PLA2R1: variants seen among roughly 807,000 people sequenced by gnomAD.
The protein encoded by PLA2R1 is phospholipase A2 receptor 1.
In PLA2R1, 158 loss-of-function variants were observed where a neutral mutation model predicts 195.9. The ratio of observed to expected loss-of-function variants is 0.81; its 90% CI spans 0.71 to 0.92. The LOEUF (loss-of-function observed/expected upper bound fraction) is 0.92. Ranked by LOEUF, PLA2R1 falls within the 40% of genes least tolerant of loss-of-function variation. The probability of loss-of-function intolerance (pLI) is 0.00; values close to 1 mark genes in which losing one functional copy is unlikely to be tolerated. For synonymous variants in PLA2R1, 586 were observed against 598.2 expected (o/e 0.98, Z 0.30); for missense variants, 1,626 against 1,764.6 (o/e 0.92, Z 1.41).
Position 159,999,453 on chromosome 2 carries a change from C to T in PLA2R1, c.1834+6199G>A, listed in dbSNP as rs1314226179. Among the ~76,000 whole-genome samples the T allele has an allele frequency of 2.6e-4, 2 of 7,750 alleles. 1 individual carries two copies. The highest frequency in any genetic ancestry group is 4.8e-4 in the Non-Finnish European group (2 of 4,194). 5.1% of individuals were successfully genotyped at this position (7,750 alleles called of 152,430 possible). A position where few individuals can be genotyped will look rare whatever the true frequency, so the allele number is the denominator to read the frequency against. ...GATCTCGGCTCACTGCAAGCTCCGC[C>T]TCCCGGGTTCACGCCATTCTCCTGC... On this transcript the variant is annotated intron_variant, in intron 11 of 29. Coordinates refer to ENST00000283243, the MANE Select transcript of PLA2R1 (RefSeq NM_007366.5).
chr2:159,929,535 CTT>C (rs762721078), downstream of PLA2R1, among the ~76,000 whole-genome samples: 1 of 152,168 alleles, frequency 6.6e-6, no homozygotes, highest in Non-Finnish European at 1.5e-5. Flanking sequence ...AAAGGGAACA[CTT>C]TTACACTGCT....
chr2:159,985,643 C>G (rs1273055481), intron 12 of PLA2R1, among the ~76,000 whole-genome samples: 1 of 152,130 alleles, frequency 6.6e-6, no homozygotes, highest in Admixed American at 6.5e-5. Context: ...GTCTGGCAAG[C>G]TGCAAAAGCT....
At chr2:160,034,595 C>T (rs1694059153) in intron 3 of PLA2R1, among the ~76,000 whole-genome samples, 1 of 152,256 alleles carries the variant, frequency 6.6e-6, no homozygotes, top group Admixed American at 6.5e-5. Context: ...ACAGCTGAGA[C>T]CATGATGGGG....
At chr2:159,965,252 G>T (rs943578212) in intron 20 of PLA2R1, among the ~76,000 whole-genome samples, 2 of 152,116 alleles carry the variant, frequency 1.3e-5, no homozygotes, top group African/African-American at 4.8e-5. Context: ...ATCCACCATT[G>T]TGCTATCATA....
intron 17 of PLA2R1, 67 bp downstream of exon 17, chr2:159,976,001 C>T: frequency 9.5e-7 from 1 of 1,055,250 alleles, no homozygotes; most frequent in Non-Finnish European, 1.4e-6. Flanking sequence ...ACTATCCCTC[C>T]CTCCCTCCCA....
At chr2:159,928,665 T>G (rs958065203), downstream of PLA2R1, among the ~76,000 whole-genome samples, 4 of 152,100 alleles carry the variant, frequency 2.6e-5, no homozygotes, top group African/African-American at 9.7e-5. Flanking sequence ...ATCCTAAAAT[T>G]CATATGGAAC....
chr2:160,000,527 T>C (rs111970387), intron 11 of PLA2R1, among the ~76,000 whole-genome samples: 14 of 152,002 alleles, frequency 9.2e-5, no homozygotes, highest in Admixed American at 3.9e-4. Flanking sequence ...ATAAATAAAG[T>C]ACAAAGAAAA....
chr2:159,955,700 T>TG lies in PLA2R1; in HGVS notation c.3150_3151insC (p.Asn1051GlnfsTer9). On this transcript the variant is annotated frameshift_variant, in exon 22 of 30. Coordinates refer to ENST00000283243, the MANE Select transcript of PLA2R1 (RefSeq NM_007366.5). LOFTEE classifies it high-confidence loss of function. ...AAAAAATAAATCTTAAAACTTACAT[T>TG]TATTATATCAAATGGAGACCAGTTA... The TG allele has an allele frequency of 7.0e-7, 1 of 1,426,370 alleles. No homozygotes were observed. The allele number at this position is 1,426,370 out of a possible 1,614,324, so 88.4% of individuals were successfully genotyped here.
intron 11 of PLA2R1, among the ~76,000 whole-genome samples, chr2:160,002,025 G>GAT (rs138901044): frequency 1.2e-4 from 18 of 150,456 alleles, no homozygotes; most frequent in African/African-American, 3.2e-4. Flanking sequence ...GTACATATGG[G>GAT]ATATATATAT....
chr2:160,009,724 TAA>T (rs56239517), intron 10 of PLA2R1, among the ~76,000 whole-genome samples: 3 of 151,842 alleles, frequency 2.0e-5, no homozygotes, highest in Admixed American at 6.6e-5. Context: ...TTTACCACAA[TAA>T]AAAAAATATT....
Position 159,933,064 on chromosome 2 carries a change from AT to A in PLA2R1, c.*8713del, listed in dbSNP as rs1197892205. The A allele has an allele frequency of 6.6e-6, 1 of 151,992 alleles. No individual in the cohort carries two copies. The highest frequency in any genetic ancestry group is 6.6e-5 in the Admixed American group (1 of 15,260). 9.4% of individuals were successfully genotyped at this position (151,992 alleles called of 1,614,324 possible). On this transcript the variant is annotated 3_prime_UTR_variant, in exon 30 of 30. Coordinates refer to ENST00000283243, the MANE Select transcript of PLA2R1 (RefSeq NM_007366.5). ...ATAATTACAAGAAATGGATGATAAT[AT>A]TTTAAATTAGTTAACTTTGGTCCAT...
intron 3 of PLA2R1, among the ~76,000 whole-genome samples, chr2:160,037,141 C>T (rs775159547): frequency 1.3e-5 from 2 of 152,226 alleles, no homozygotes; most frequent in Admixed American, 1.3e-4. Flanking sequence ...GAAGCCACCA[C>T]TACTCCTGGC....
At chr2:159,944,220 T>G (rs1440789850) in intron 28 of PLA2R1, among the ~76,000 whole-genome samples, 1 of 152,158 alleles carries the variant, frequency 6.6e-6, no homozygotes, top group Non-Finnish European at 1.5e-5. Context: ...CCTCCTCTGT[T>G]CCAGCTTCTA....
intron 8 of PLA2R1, among the ~76,000 whole-genome samples, chr2:160,018,561 G>A (rs1682501962): frequency 6.6e-6 from 1 of 152,176 alleles, no homozygotes; most frequent in African/African-American, 2.4e-5. Flanking sequence ...GAATCCAGGA[G>A]GCAGAGGTTG....
At chr2:159,943,678 G>A (rs766723936) in intron 28 of PLA2R1, among the ~76,000 whole-genome samples, 1 of 152,160 alleles carries the variant, frequency 6.6e-6, no homozygotes, top group Non-Finnish European at 1.5e-5. Context: ...GGATGAAACA[G>A]GTGTCATCTG....
intron 1 of PLA2R1, among the ~76,000 whole-genome samples, chr2:160,059,230 C>G (rs1695786291): frequency 6.6e-6 from 1 of 152,202 alleles, no homozygotes; most frequent in Non-Finnish European, 1.5e-5. Flanking sequence ...TGTTGCTCAC[C>G]TTCTGTTGTG....
In PLA2R1 at chr2:159,946,861, G is replaced by C; in HGVS notation, c.3907C>G (p.Leu1303Val). ...EAENAFLLEE[L>V]FAFGSSVQMV... ...TGGACAGAAGAACCAAAAGCAAACAGCTCTTCTAGGAGAAATGCATTTTCA... is the reference window on the plus strand; with the variant it reads ...TGGACAGAAGAACCAAAAGCAAACACCTCTTCTAGGAGAAATGCATTTTCA... Residue 1303 changes from leucine (L) to valine (V), a missense_variant, in exon 27 of 30, where the codon CTG (leucine) becomes GTG (valine). Transcript: ENST00000283243. 6.2e-7 allele frequency: 1 copy of C among 1,611,424 alleles called. No homozygotes were observed. The highest frequency in any genetic ancestry group is 8.5e-7 in the Non-Finnish European group (1 of 1,178,976).
chr2:159,955,498 C>A (rs534181223), intron 22 of PLA2R1, 152 bp from the exon 23 acceptor site: 3 of 529,938 alleles, frequency 5.7e-6, no homozygotes, highest in Non-Finnish European at 3.1e-6. Context: ...TCATAACCTA[C>A]AAAATAAACA....
At chr2:159,943,594 T>C (rs1687212625) in intron 28 of PLA2R1, among the ~76,000 whole-genome samples, 1 of 152,152 alleles carries the variant, frequency 6.6e-6, no homozygotes. Context: ...TAGCCTCAGT[T>C]TGCACAGGCA....
Sources: allele counts gnomAD v4.1 joint callset (sites outside exome capture counted in the v4.1 genomes callset), GRCh38; gene constraint gnomAD v4.1.1; transcripts MANE v1.5; gene names NCBI Gene and HGNC (gene_info 2026-07-23, HGNC 2026-07-21).